Variants in POLI observed in about 807,000 individuals in gnomAD.
The protein encoded by POLI is RAD30 homolog B.
POLI carries 58 observed loss-of-function variants against 51.6 expected under a neutral mutation model. That is an observed-to-expected ratio of 1.12 (90% CI 0.91 to 1.40). The LOEUF (loss-of-function observed/expected upper bound fraction) is 1.40. POLI is among the 40% of genes most tolerant of loss of function. The probability of loss-of-function intolerance (pLI) is 0.00; values close to 1 mark genes in which losing one functional copy is unlikely to be tolerated. For missense variants in POLI, 921 were observed against 871.3 expected, an observed-to-expected ratio of 1.06 and a Z score of -0.72; for synonymous variants, 322 against 299.7, an observed-to-expected ratio of 1.07 and a Z score of -0.77.
chr18:54,305,601 A>G (rs543452469), intron 3 of POLI, among the ~76,000 whole-genome samples: 1 of 142,918 alleles, frequency 7.0e-6, no homozygotes, highest in Admixed American at 7.0e-5. Flanking sequence ...ATTTTTGCAC[A>G]TTGATTTTGT....
At chr18:54,306,038 G>A (rs1433578108) in intron 3 of POLI, among the ~76,000 whole-genome samples, 3 of 152,112 alleles carry the variant, frequency 2.0e-5, no homozygotes, top group African/African-American at 2.4e-5. Context: ...GATTACAGGC[G>A]TGAGCCACCG....
Position 54,283,980 on chromosome 18 carries a change from A to T in POLI, c.1034A>T (p.Lys345Met). 6.7e-7 allele frequency: 1 copy of T among 1,484,012 alleles called. No homozygotes were observed. The highest frequency in any genetic ancestry group is 9.3e-7 in the Non-Finnish European group (1 of 1,070,502). 91.9% of individuals were successfully genotyped at this position (1,484,012 alleles called of 1,614,324 possible). Residue 345 changes from lysine (K) to methionine (M), a missense_variant, in exon 7 of 10, where the codon AAG becomes ATG. Lys to Met is a moderately conservative substitution (Grantham distance 95). Transcript: ENST00000579534. ...KCSSEVEAKNKIEELLASLLN... is the reference protein window; with the variant it reads ...KCSSEVEAKNMIEELLASLLN... ...TCATCTGAAGTTGAAGCTAAAAATAAGATTGAAGAACTACTTGCTAGTCTT... is the reference window on the plus strand; with the variant it reads ...TCATCTGAAGTTGAAGCTAAAAATATGATTGAAGAACTACTTGCTAGTCTT...
At chr18:54,279,607 C>G (rs1461668059) in intron 4 of POLI, among the ~76,000 whole-genome samples, 2 of 152,082 alleles carry the variant, frequency 1.3e-5, no homozygotes, top group Non-Finnish European at 2.9e-5. Flanking sequence ...TTCTCTTGTT[C>G]TCTCTATGGA....
chr18:54,296,310 A>T lies in POLI; in HGVS notation c.*1843A>T, dbSNP rs1264971730. 2.0e-6 allele frequency: 2 copies of T among 984,916 alleles called. No individual in the cohort carries two copies. Among genetic ancestry groups the T allele is most frequent in the Non-Finnish European group, 2.4e-6 (2 of 829,458 alleles). 61.0% of individuals were successfully genotyped at this position (984,916 alleles called of 1,614,324 possible). The stretch of plus-strand genomic sequence containing the variant: ...AAATAGTTAAAAATACATTTCATAG[A>T]TTGAGAATGTACGGGCTATGTCACA... On this transcript the variant is annotated 3_prime_UTR_variant, in exon 10 of 10. Transcript: ENST00000579534.
intron 3 of POLI, among the ~76,000 whole-genome samples, chr18:54,308,260 C>G (rs2088620217): frequency 6.6e-6 from 1 of 152,088 alleles, no homozygotes; most frequent in South Asian, 2.1e-4. Context: ...TTCAGGAGCT[C>G]TTGTAAGGCA....
chr18:54,272,523 G>A (rs1172520042), intron 2 of POLI, among the ~76,000 whole-genome samples: 2 of 152,130 alleles, frequency 1.3e-5, no homozygotes, highest in African/African-American at 4.8e-5. Flanking sequence ...CCAAGCTGCA[G>A]TGCAGTGGTG....
At chr18:54,298,802 T>C (rs984833737), downstream of POLI, among the ~76,000 whole-genome samples, 5 of 151,936 alleles carry the variant, frequency 3.3e-5, no homozygotes. Context: ...TTGGTCAGGC[T>C]GATCTTGAAC....
chr18:54,287,860 G>C (rs1474271154), intron 8 of POLI, among the ~76,000 whole-genome samples: 1 of 152,132 alleles, frequency 6.6e-6, no homozygotes, highest in African/African-American at 2.4e-5. Flanking sequence ...ACCTGGCCTT[G>C]TTTTTAAATA....
chr18:54,293,959 T>G lies in POLI; in HGVS notation c.1715T>G (p.Phe572Cys), dbSNP rs765990972. Reference sequence around the variant, plus strand: ...GCCTCTAGAGGAGTATTATCTTTCTTTTCTAAAAAACAAATGCAAGATATT... The same window carrying G: ...GCCTCTAGAGGAGTATTATCTTTCTGTTCTAAAAAACAAATGCAAGATATT... ...LHASRGVLSF[F>C]SKKQMQDIPI... The change falls in exon 10 of 10, where the codon TTT (phenylalanine) becomes TGT (cysteine). Residue 572 changes from phenylalanine to cysteine, a missense_variant. By Grantham distance (205) the Phe-to-Cys change is radical. Coordinates refer to ENST00000579534, the MANE Select transcript of POLI (RefSeq NM_007195.3). 31 of 1,612,970 alleles carry G rather than the reference T, an allele frequency of 1.9e-5. 1 individual carries two copies. The Middle Eastern group carries it at 4.5e-3, about 232-fold the overall frequency.
chr18:54,277,766 T>A lies in POLI; in HGVS notation c.470T>A (p.Leu157Gln). The change falls in exon 4 of 10, where the codon CTA (leucine) becomes CAA (glutamine). Residue 157 changes from leucine (L) to glutamine (Q), a missense_variant. Coordinates refer to ENST00000579534, the MANE Select transcript of POLI (RefSeq NM_007195.3). ...GGATTTGATGAAAATTTTGTGGATC[T>A]AACAGAAATGGTTGAGAAGAGACTA... ...RLGFDENFVD[L>Q]TEMVEKRLQQ... 6.2e-7 allele frequency: 1 copy of A among 1,611,538 alleles called. No homozygotes were observed. Among genetic ancestry groups the A allele is most frequent in the Non-Finnish European group, 8.5e-7 (1 of 1,178,064 alleles).
At chr18:54,288,822 T>C (rs2144564301) in intron 8 of POLI, among the ~76,000 whole-genome samples, 1 of 152,296 alleles carries the variant, frequency 6.6e-6, no homozygotes, top group South Asian at 2.1e-4. Context: ...TTTTGTTTCT[T>C]TATCAAGATT....
rs2087471366 is a variant in POLI, at chr18:54,280,911, A to G, written c.796+8A>G. On this transcript the variant is annotated splice_region_variant and intron_variant, in intron 5 of 9. Transcript: ENST00000579534. ...ACATAAAGGAAATACCTGGTAAGACAAATATATTTGAAAAGTACATATACG... is the reference window on the plus strand; with the variant it reads ...ACATAAAGGAAATACCTGGTAAGACGAATATATTTGAAAAGTACATATACG... 7.0e-7 allele frequency: 1 copy of G among 1,437,544 alleles called. No homozygotes were observed. The highest frequency in any genetic ancestry group is 9.8e-7 in the Non-Finnish European group (1 of 1,021,166). 89.0% of individuals were successfully genotyped at this position (1,437,544 alleles called of 1,614,324 possible).
intron 8 of POLI, among the ~76,000 whole-genome samples, chr18:54,290,319 T>C (rs2144575436): frequency 6.6e-6 from 1 of 152,216 alleles, no homozygotes; most frequent in East Asian, 1.9e-4. Flanking sequence ...CATTAAAAAG[T>C]CAGGAAACAA....
At chr18:54,314,624 T>C (rs2144650486) in intron 3 of POLI, among the ~76,000 whole-genome samples, 1 of 151,924 alleles carries the variant, frequency 6.6e-6, no homozygotes, top group Admixed American at 6.6e-5. Flanking sequence ...TAAAAAATTA[T>C]TACTGACTCA....
chr18:54,319,258 C>A (rs2088767931), intron 3 of POLI, among the ~76,000 whole-genome samples: 2 of 152,064 alleles, frequency 1.3e-5, no homozygotes, highest in South Asian at 4.1e-4. Flanking sequence ...CTCTATAAAT[C>A]ATATTTTTGT....
At chr18:54,292,082 T>A in intron 9 of POLI, 44 bp downstream of exon 9, 2 of 1,154,492 alleles carry the variant, frequency 1.7e-6, no homozygotes, top group South Asian at 1.3e-5. Context: ...TATACTCTTA[T>A]GGGATTTGTG....
At chr18:54,292,443 T>A (rs377547488) in intron 9 of POLI, among the ~76,000 whole-genome samples, 37 of 152,244 alleles carry the variant, frequency 2.4e-4, no homozygotes, top group South Asian at 2.3e-3. Flanking sequence ...AGTATTTACA[T>A]TTTCTTCATT....
chr18:54,313,289 A>G (rs369208949), intron 3 of POLI, among the ~76,000 whole-genome samples: 3 of 151,804 alleles, frequency 2.0e-5, no homozygotes, highest in African/African-American at 4.8e-5. Context: ...GAGTTCTTTT[A>G]CTCTGCTCCA....
At position 54,297,215 on chromosome 18, in the gene POLI, C is replaced by T. The variant is rs1229236622; in HGVS notation, c.*2748C>T. 1 of 984,870 alleles carries T rather than the reference C, an allele frequency of 1.0e-6. No individual in the cohort carries two copies. The highest frequency in any genetic ancestry group is 1.2e-6 in the Non-Finnish European group (1 of 829,876). 61.0% of individuals were successfully genotyped at this position (984,870 alleles called of 1,614,324 possible). ...TAGCTATCTGCCTCCAGGGATAAACCCCATCTTTCAAGCTTGCTTCTTGCT... is the reference window on the plus strand; with the variant it reads ...TAGCTATCTGCCTCCAGGGATAAACTCCATCTTTCAAGCTTGCTTCTTGCT... On this transcript the variant is annotated 3_prime_UTR_variant, in exon 10 of 10. Coordinates refer to ENST00000579534, the MANE Select transcript of POLI (RefSeq NM_007195.3).
Sources: allele counts gnomAD v4.1 joint callset (sites outside exome capture counted in the v4.1 genomes callset), GRCh38; gene constraint gnomAD v4.1.1; transcripts MANE v1.5; gene names NCBI Gene and HGNC (gene_info 2026-07-23, HGNC 2026-07-21).